The following LRRIQ1 variants were observed in gnomAD, a reference collection of about 807,000 sequenced individuals.
The protein encoded by LRRIQ1 is leucine-rich repeat- and IQ domain-containing protein 1.
Under a neutral mutation model 211.9 loss-of-function variants are expected in LRRIQ1, and 210 were observed. The ratio of observed to expected loss-of-function variants is 0.99; its 90% confidence interval spans 0.89 to 1.11. The LOEUF (loss-of-function observed/expected upper bound fraction) is 1.11, where lower values mean the gene tolerates loss of function less well. Ranked by LOEUF, LRRIQ1 falls within the 50% of genes most tolerant of loss-of-function variation. The pLI is 0.00. For missense variants in LRRIQ1, 2,136 were observed against 1,939.5 expected (o/e 1.10, Z -1.90); for synonymous variants, 699 against 650.1 (o/e 1.08, Z -1.14).
At chr12:85,115,105 T>G (rs1413883153) in intron 15 of LRRIQ1, among the ~76,000 whole-genome samples, 1 of 152,200 alleles carries the variant, frequency 6.6e-6, no homozygotes, top group African/African-American at 2.4e-5. Context: ...ATAGAGCTTC[T>G]TAAGTGGTGG....
At chr12:85,093,144 A>G (rs1333369375) in intron 11 of LRRIQ1, among the ~76,000 whole-genome samples, 1 of 152,184 alleles carries the variant, frequency 6.6e-6, no homozygotes, top group East Asian at 1.9e-4. Context: ...TGTTATGTAC[A>G]CTTTTGTTGT....
intron 26 of LRRIQ1, among the ~76,000 whole-genome samples, chr12:85,233,876 G>A (rs944948391): frequency 1.3e-5 from 2 of 152,090 alleles, no homozygotes; most frequent in Admixed American, 1.3e-4. Flanking sequence ...TTGGTTAGTG[G>A]CCACCTTAGA....
At chr12:85,229,432 A>G in intron 24 of LRRIQ1, 85 bp from the exon 25 acceptor site, 1 of 1,075,890 alleles carries the variant, frequency 9.3e-7, no homozygotes, top group Non-Finnish European at 1.3e-6. Flanking sequence ...CTTTCTTGTG[A>G]TAAAATGTTT....
chr12:85,193,706 C>T (rs1028077058), intron 24 of LRRIQ1, among the ~76,000 whole-genome samples: 1 of 151,826 alleles, frequency 6.6e-6, no homozygotes, highest in South Asian at 2.1e-4. Flanking sequence ...CAGTACCAGC[C>T]GCTGCAAAAT....
chr12:85,083,261 C>T (rs920660745), intron 11 of LRRIQ1, among the ~76,000 whole-genome samples: 4 of 152,020 alleles, frequency 2.6e-5, no homozygotes, highest in Non-Finnish European at 5.9e-5. Flanking sequence ...TATTGTTTTG[C>T]TTATCTCTCT....
At chr12:85,253,465 A>C (rs1896006266) in intron 1 of LRRIQ1, among the ~76,000 whole-genome samples, 1 of 152,082 alleles carries the variant, frequency 6.6e-6, no homozygotes, top group South Asian at 2.1e-4. Context: ...CCTGTTATTT[A>C]GAACCATCTA....
chr12:85,227,569 T>C (rs1471540861), intron 24 of LRRIQ1, among the ~76,000 whole-genome samples: 1 of 152,130 alleles, frequency 6.6e-6, no homozygotes, highest in Non-Finnish European at 1.5e-5. Context: ...ATAGGAAGAA[T>C]CAGTATCGTG....
chr12:85,045,953 A>G, intron 4 of LRRIQ1, 67 bp from the exon 5 acceptor site: 1 of 815,376 alleles, frequency 1.2e-6, no homozygotes, highest in South Asian at 1.9e-5. Flanking sequence ...TTAATGTATT[A>G]TTAAAACGAC....
intron 24 of LRRIQ1, among the ~76,000 whole-genome samples, chr12:85,194,626 G>C (rs192976993): frequency 1.3e-5 from 2 of 151,738 alleles, no homozygotes; most frequent in Non-Finnish European, 2.9e-5. Flanking sequence ...TGAAACCAAC[G>C]AGAACAAAGA....
intron 19 of LRRIQ1, among the ~76,000 whole-genome samples, chr12:85,151,308 T>C (rs920415560): frequency 1.2e-4 from 18 of 151,586 alleles, no homozygotes; most frequent in Non-Finnish European, 3.0e-5. Flanking sequence ...ACTACCTGCC[T>C]GTAGTCAATA....
chr12:85,228,993 G>T (rs1026022490), intron 24 of LRRIQ1, among the ~76,000 whole-genome samples: 1 of 152,096 alleles, frequency 6.6e-6, no homozygotes, highest in Non-Finnish European at 1.5e-5. Flanking sequence ...ATGGAGGAAG[G>T]CTTTAAAACA....
At chr12:85,230,122 C>T (rs780921523) in intron 25 of LRRIQ1, among the ~76,000 whole-genome samples, 4 of 152,068 alleles carry the variant, frequency 2.6e-5, no homozygotes, top group Non-Finnish European at 5.9e-5. Flanking sequence ...TAACTCATGG[C>T]GTACAGGTGA....
intron 13 of LRRIQ1, among the ~76,000 whole-genome samples, chr12:85,103,257 A>T (rs1886523980): frequency 6.6e-6 from 1 of 151,026 alleles, no homozygotes; most frequent in Admixed American, 6.6e-5. Flanking sequence ...ATGGAGGAAA[A>T]TTAATTATTA....
chr12:85,197,521 A>C (rs7967247), intron 24 of LRRIQ1, among the ~76,000 whole-genome samples: 35,526 of 143,272 alleles, frequency 0.25, 4,539 homozygotes, highest in Admixed American at 0.31. Context: ...AGTTCATGTC[A>C]TTTGTAGGGA....
chr12:85,153,176 C>T, intron 21 of LRRIQ1, 31 bp downstream of exon 21: 1 of 1,558,794 alleles, frequency 6.4e-7, no homozygotes, highest in Non-Finnish European at 8.7e-7. Context: ...AGAGAATCAA[C>T]TTGTGAATGA....
Position 85,232,697 on chromosome 12 carries a change from A to G in LRRIQ1, c.4957A>G (p.Asn1653Asp). ...ETTSSRNMKC[N>D]HFLPELDPDV... is the part of the protein sequence containing the mutation. ...CTTTCTGTTTTTGTCACTATGCAGC[A>G]ATCACTTTTTGCCTGAGTTAGATCC... The change falls in exon 26 of 27, where the codon AAT (asparagine) becomes GAT (aspartate). Residue 1653 changes from asparagine (N) to aspartate (D), a missense_variant and splice_region_variant. By Grantham distance (23) the Asn-to-Asp change is conservative. Transcript: ENST00000393217. 1 of 1,611,086 alleles carries G rather than the reference A, an allele frequency of 6.2e-7. No individual in the cohort carries two copies. Among genetic ancestry groups the G allele is most frequent in the Non-Finnish European group, 8.5e-7 (1 of 1,177,908 alleles).
At chr12:85,162,864 T>A in intron 24 of LRRIQ1, 2 of 450,874 alleles carry the variant, frequency 4.4e-6, no homozygotes, top group Non-Finnish European at 8.9e-6. Context: ...GATTTTCTAA[T>A]GTGCTATAGG....
In LRRIQ1 at chr12:85,184,616, A is replaced by C. The variant is rs1256329560; in HGVS notation, c.4822+23902A>C. On this transcript the variant is annotated intron_variant, in intron 24 of 26. Transcript: ENST00000393217. ...TTTCTAGCCACCTATTTGAGCTGTTAAAATGCCTTTGGCGATTGGATTAAG... is the reference window on the plus strand; with the variant it reads ...TTTCTAGCCACCTATTTGAGCTGTTCAAATGCCTTTGGCGATTGGATTAAG... Among the ~76,000 whole-genome samples the C allele has an allele frequency of 2.8e-4, 42 of 152,000 alleles. 1 individual carries two copies. The highest frequency in any genetic ancestry group is 3.2e-4 in the Non-Finnish European group (22 of 67,892).
chr12:85,271,120 A>G, the LRRIQ1 span, among the ~76,000 whole-genome samples: 1 of 152,188 alleles, frequency 6.6e-6, no homozygotes, highest in African/African-American at 2.4e-5. Context: ...ATTAATCCTA[A>G]TTTAAGAAAT....
Sources: gnomAD v4.1 joint callset for allele counts (sites outside exome capture counted in the v4.1 genomes callset) on GRCh38, gnomAD v4.1.1 for gene constraint, MANE v1.5 for transcripts, NCBI Gene and HGNC (gene_info 2026-07-23, HGNC 2026-07-21) for gene names.